The following VRK2 variants were observed in gnomAD, a reference collection of about 807,000 sequenced individuals.
The protein encoded by VRK2 is serine/threonine-protein kinase VRK2.
Under a neutral mutation model 57.6 loss-of-function variants are expected in VRK2, and 60 were observed. The observed-to-expected ratio is 1.04, with a 90% CI of 0.85 to 1.29. The LOEUF (loss-of-function observed/expected upper bound fraction) is 1.29. VRK2 is among the 50% of genes most tolerant of loss of function. The pLI is 0.00. For synonymous variants in VRK2, 231 were observed against 199.2 expected (o/e 1.16, Z -1.35); for missense variants, 705 against 588.1 (o/e 1.20, Z -2.06).
intron 12 of VRK2, chr2:58,154,870 A>C: frequency 1.6e-6 from 1 of 628,468 alleles, no homozygotes; most frequent in South Asian, 2.0e-5. Context: ...ATATTTATAC[A>C]TTTCAATTTT....
chr2:58,028,831 C>T (rs1674014537), intron 2 of VRK2, among the ~76,000 whole-genome samples: 1 of 144,764 alleles, frequency 6.9e-6, no homozygotes, highest in East Asian at 2.0e-4. Flanking sequence ...CACATGTATA[C>T]ATATGTAACA....
chr2:58,060,704 C>G (rs1439921449), intron 2 of VRK2, among the ~76,000 whole-genome samples: 1 of 151,850 alleles, frequency 6.6e-6, no homozygotes, highest in Admixed American at 6.6e-5. Flanking sequence ...CTAATTTCAG[C>G]ATAAAGATTA....
At chr2:57,958,371 T>C (rs1039314413) in intron 1 of VRK2, among the ~76,000 whole-genome samples, 1 of 151,866 alleles carries the variant, frequency 6.6e-6, no homozygotes, top group African/African-American at 2.4e-5. Flanking sequence ...CCCAGTTAAT[T>C]TGACAGCTAC....
At chr2:57,922,859 A>T (rs2103910686) in intron 1 of VRK2, among the ~76,000 whole-genome samples, 1 of 151,992 alleles carries the variant, frequency 6.6e-6, no homozygotes, top group South Asian at 2.1e-4. Flanking sequence ...TTTTGTACTC[A>T]CTAATCATTC....
intron 12 of VRK2, among the ~76,000 whole-genome samples, chr2:58,156,040 T>C (rs888224832): frequency 6.7e-6 from 1 of 148,536 alleles, no homozygotes. Flanking sequence ...CAAGGGAGGG[T>C]CATTTTTAGA....
At chr2:57,950,702 G>A (rs1671400160) in intron 1 of VRK2, among the ~76,000 whole-genome samples, 1 of 152,104 alleles carries the variant, frequency 6.6e-6, no homozygotes, top group South Asian at 2.1e-4. Flanking sequence ...CATTTTGTAA[G>A]GCTACAGCTG....
intron 2 of VRK2, among the ~76,000 whole-genome samples, chr2:58,066,486 C>A (rs1056131789): frequency 5.3e-5 from 8 of 152,158 alleles, no homozygotes; most frequent in African/African-American, 1.9e-4. Flanking sequence ...GAGAATCTTT[C>A]CATCTTTGTT....
At chr2:58,023,651 A>G (rs998565111) in intron 1 of VRK2, among the ~76,000 whole-genome samples, 2 of 152,198 alleles carry the variant, frequency 1.3e-5, no homozygotes, top group African/African-American at 2.4e-5. Context: ...TGAAAGTGAA[A>G]TCAAGGAAAT....
upstream of VRK2, chr2:58,046,672 G>C: frequency 1.0e-6 from 1 of 985,606 alleles, no homozygotes; most frequent in Non-Finnish European, 1.2e-6. Context: ...AACCGGCTGC[G>C]GCCTGTGTGA....
At chr2:58,080,312 T>A (rs1016983392) in intron 2 of VRK2, among the ~76,000 whole-genome samples, 15 of 151,950 alleles carry the variant, frequency 9.9e-5, no homozygotes, top group Non-Finnish European at 4.4e-5. Flanking sequence ...ATGGACAGTT[T>A]AAAAAAATAT....
intron 1 of VRK2, among the ~76,000 whole-genome samples, chr2:57,949,891 T>C (rs1671373058): frequency 6.6e-6 from 1 of 152,230 alleles, no homozygotes; most frequent in African/African-American, 2.4e-5. Flanking sequence ...AACAGCCTTA[T>C]TGCTGATAAG....
At chr2:58,042,998 T>A (rs1382866577), upstream of VRK2, among the ~76,000 whole-genome samples, 3 of 152,190 alleles carry the variant, frequency 2.0e-5, no homozygotes, top group Non-Finnish European at 2.9e-5. Flanking sequence ...AAATTCTGCA[T>A]TAAATCCCAA....
At chr2:58,093,110 G>A (rs1385146550) in intron 7 of VRK2, among the ~76,000 whole-genome samples, 1 of 152,188 alleles carries the variant, frequency 6.6e-6, no homozygotes, top group Non-Finnish European at 1.5e-5. Context: ...TGTGAATAGT[G>A]CTGCAATAAA....
rs543499683 is a variant in VRK2 at position 58,064,800 on chromosome 2, A to G, written c.136+15833A>G. On this transcript the variant is annotated intron_variant, in intron 2 of 12. Transcript: ENST00000340157. ...AGGGTTTTTAACAGTGTTACAGATA[A>G]TACACTTTTTTTTCAAGTATACAAG... Among the ~76,000 whole-genome samples, 4 of 152,260 alleles carry G rather than the reference A, an allele frequency of 2.6e-5. No individual in the cohort carries two copies. In the East Asian group the frequency reaches 7.7e-4, roughly 29 times the overall value.
intron 1 of VRK2, among the ~76,000 whole-genome samples, chr2:58,022,521 G>A (rs1477009619): frequency 6.6e-6 from 1 of 152,204 alleles, no homozygotes. Context: ...TGTAGGAAAA[G>A]AGTATGTTGT....
At chr2:58,092,182 G>T (rs1420988017) in intron 7 of VRK2, among the ~76,000 whole-genome samples, 1 of 151,984 alleles carries the variant, frequency 6.6e-6, no homozygotes, top group Non-Finnish European at 1.5e-5. Context: ...TTTAGAGTCA[G>T]TCCCCTTCTC....
chr2:58,013,704 A>G (rs1346234908), intron 1 of VRK2, among the ~76,000 whole-genome samples: 2 of 151,676 alleles, frequency 1.3e-5, no homozygotes, highest in Non-Finnish European at 2.9e-5. Context: ...CTAAAAATAC[A>G]AAAAATTAGC....
chr2:57,966,745 C>T (rs1248335365), intron 1 of VRK2, among the ~76,000 whole-genome samples: 1 of 151,972 alleles, frequency 6.6e-6, no homozygotes, highest in African/African-American at 2.4e-5. Flanking sequence ...AGTTATGAAT[C>T]CTCTAGAATT....
At chr2:57,951,997 G>C (rs1671441647) in intron 1 of VRK2, among the ~76,000 whole-genome samples, 1 of 147,818 alleles carries the variant, frequency 6.8e-6, no homozygotes, top group African/African-American at 2.5e-5. Flanking sequence ...AGCCTCAAGA[G>C]ATCCTCCCGC....
Sources: allele counts gnomAD v4.1 joint callset (sites outside exome capture counted in the v4.1 genomes callset), GRCh38; gene constraint gnomAD v4.1.1; transcripts MANE v1.5; gene names NCBI Gene and HGNC (gene_info 2026-07-23, HGNC 2026-07-21).